The following STK32B variants were observed in gnomAD, a reference collection of about 807,000 sequenced individuals.
STK32B encodes serine/threonine kinase 32B, also known as serine/threonine-protein kinase 32B.
STK32B carries 43 observed loss-of-function variants against 52.6 expected under a neutral mutation model. The observed-to-expected ratio is 0.82, with a 90% CI of 0.64 to 1.05. The LOEUF (loss-of-function observed/expected upper bound fraction) is 1.05. STK32B is among the 50% of genes least tolerant of loss of function. STK32B has a pLI of 0.00. For missense variants in STK32B, 621 were observed against 534.6 expected (o/e 1.16, Z -1.59); for synonymous variants, 238 against 204.3 (o/e 1.17, Z -1.41).
chr4:5,331,928 A>C lies in STK32B; in HGVS notation c.434+535A>C, dbSNP rs567456691. On this transcript the variant is annotated intron_variant, in intron 4 of 11. Coordinates refer to ENST00000282908, the MANE Select transcript of STK32B (RefSeq NM_018401.3). ...TGCCATGTCCTACACAGGTGAGCAA[A>C]GTGACTTTGCCTGCAGAAGCTGGAA... is the stretch of plus-strand genomic sequence containing the variant. Among the ~76,000 whole-genome samples the C allele has an allele frequency of 2.0e-5, 3 of 152,222 alleles. No homozygotes were observed. In the East Asian group the frequency reaches 5.8e-4, roughly 29 times the overall value.
At chr4:5,260,089 ACACGCACACGTG>A (rs1455342040) in intron 3 of STK32B, among the ~76,000 whole-genome samples, 26 of 152,098 alleles carry the variant, frequency 1.7e-4, no homozygotes, top group Admixed American at 1.5e-3. Flanking sequence ...ACACACACAC[ACACGCACACGTG>A]CACGCACACA....
intron 1 of STK32B, among the ~76,000 whole-genome samples, chr4:5,085,526 G>A (rs934381509): frequency 7.2e-5 from 11 of 152,142 alleles, no homozygotes; most frequent in East Asian, 3.8e-4. Context: ...GCATGGCTCC[G>A]GATAGTTCTA....
At chr4:5,434,581 T>C (rs1713881082) in intron 6 of STK32B, among the ~76,000 whole-genome samples, 1 of 152,152 alleles carries the variant, frequency 6.6e-6, no homozygotes, top group South Asian at 2.1e-4. Flanking sequence ...TCTTGGGGAA[T>C]GGAACTGGGT....
intron 4 of STK32B, among the ~76,000 whole-genome samples, chr4:5,357,993 G>A (rs1734294559): frequency 1.3e-5 from 2 of 152,172 alleles, no homozygotes; most frequent in South Asian, 4.1e-4. Flanking sequence ...GTGTCATTTA[G>A]GATGAAAATT....
At chr4:5,229,874 A>G (rs1419893547) in intron 3 of STK32B, among the ~76,000 whole-genome samples, 1 of 152,202 alleles carries the variant, frequency 6.6e-6, no homozygotes, top group African/African-American at 2.4e-5. Context: ...TAATGAGATT[A>G]CAGAGATCAA....
intron 11 of STK32B, among the ~76,000 whole-genome samples, chr4:5,492,894 A>G (rs544731531): frequency 4.6e-5 from 7 of 150,852 alleles, no homozygotes; most frequent in East Asian, 1.9e-4. Context: ...ATTTGCGTAT[A>G]TTGAACCAGC....
At chr4:5,376,637 G>C (rs1330878336) in intron 4 of STK32B, among the ~76,000 whole-genome samples, 1 of 152,140 alleles carries the variant, frequency 6.6e-6, no homozygotes, top group Non-Finnish European at 1.5e-5. Flanking sequence ...TGATTTGTCA[G>C]CATCAGGATG....
At chr4:5,157,311 A>AAAAAAAAC (rs1553839517) in intron 2 of STK32B, among the ~76,000 whole-genome samples, 27 of 151,302 alleles carry the variant, frequency 1.8e-4, no homozygotes, top group East Asian at 7.8e-4. Context: ...AAAAAAAAAA[A>AAAAAAAAC]AAAAAAAAAG....
At chr4:5,264,973 T>C (rs1165621950) in intron 3 of STK32B, among the ~76,000 whole-genome samples, 1 of 152,198 alleles carries the variant, frequency 6.6e-6, no homozygotes, top group Non-Finnish European at 1.5e-5. Context: ...TTCTTCTTTA[T>C]GTTCATTGCT....
chr4:5,317,875 C>G (rs1731213730), intron 3 of STK32B, among the ~76,000 whole-genome samples: 1 of 152,026 alleles, frequency 6.6e-6, no homozygotes, highest in South Asian at 2.1e-4. Context: ...CGGCACTTCT[C>G]AAAGTGCTGT....
the STK32B span, among the ~76,000 whole-genome samples, chr4:5,031,032 AC>A: frequency 9.0e-4 from 137 of 152,178 alleles, no homozygotes; most frequent in African/African-American, 3.2e-3. Context: ...CAGGCTGGAG[AC>A]CCAGGGGAGA....
At chr4:5,320,500 A>C (rs1313019736) in intron 3 of STK32B, among the ~76,000 whole-genome samples, 1 of 152,182 alleles carries the variant, frequency 6.6e-6, no homozygotes, top group Non-Finnish European at 1.5e-5. Context: ...ACATTGAAAA[A>C]AATTATATTT....
intron 10 of STK32B, 102 bp downstream of exon 10, chr4:5,466,936 C>G (rs1056057604): frequency 2.1e-6 from 3 of 1,420,634 alleles, no homozygotes. Flanking sequence ...TTTCAATCCT[C>G]CCTTCCAATT....
intron 3 of STK32B, among the ~76,000 whole-genome samples, chr4:5,292,004 A>G (rs1031541352): frequency 1.3e-5 from 2 of 152,066 alleles, no homozygotes; most frequent in Non-Finnish European, 2.9e-5. Flanking sequence ...CGTTTTCTTT[A>G]TTCAGTCCAC....
chr4:5,481,896 G>A (rs546380893), intron 11 of STK32B, among the ~76,000 whole-genome samples: 1 of 152,266 alleles, frequency 6.6e-6, no homozygotes, highest in South Asian at 2.1e-4. Flanking sequence ...GATGGTTGTA[G>A]ATATGCGGCA....
intron 3 of STK32B, among the ~76,000 whole-genome samples, chr4:5,248,755 G>A (rs1725652848): frequency 6.6e-6 from 1 of 152,144 alleles, no homozygotes; most frequent in East Asian, 1.9e-4. Context: ...CATAAAAAGG[G>A]TGAATTCATG....
intron 2 of STK32B, among the ~76,000 whole-genome samples, chr4:5,149,925 C>G (rs1044099590): frequency 2.6e-5 from 4 of 151,790 alleles, no homozygotes; most frequent in African/African-American, 9.7e-5. Context: ...AATTTATTCT[C>G]TTTATTTTAT....
chr4:5,466,217 C>T (rs543920714), intron 9 of STK32B, among the ~76,000 whole-genome samples: 5 of 151,992 alleles, frequency 3.3e-5, no homozygotes, highest in East Asian at 3.9e-4. Context: ...AGGGCCAGGC[C>T]GGAGGGTCAG....
At chr4:5,471,205 A>G (rs558343240) in intron 11 of STK32B, among the ~76,000 whole-genome samples, 38 of 152,350 alleles carry the variant, frequency 2.5e-4, no homozygotes, top group African/African-American at 7.5e-4. Context: ...GTGTCCCTCA[A>G]AAAGATATGT....
Sources: allele counts gnomAD v4.1 joint callset (sites outside exome capture counted in the v4.1 genomes callset), GRCh38; gene constraint gnomAD v4.1.1; transcripts MANE v1.5; gene names NCBI Gene and HGNC (gene_info 2026-07-23, HGNC 2026-07-21).